The following CSAD variants were observed in gnomAD, a reference collection of about 807,000 sequenced individuals.
The protein encoded by CSAD is P-selectin cytoplasmic tail-associated protein.
CSAD carries 47 observed loss-of-function variants against 61.5 expected under a neutral mutation model. The observed-to-expected ratio is 0.76, with a 90% CI of 0.60 to 0.97. CSAD has a LOEUF of 0.97. Among genes scored for constraint, CSAD ranks in the 50% least tolerant of loss-of-function variants. The pLI is 0.00. For synonymous variants in CSAD, 245 were observed against 252.7 expected, an observed-to-expected ratio of 0.97 and a Z score of 0.29; for missense variants, 611 against 643.6, an observed-to-expected ratio of 0.95 and a Z score of 0.55.
intron 10 of CSAD, 123 bp from the exon 11 acceptor site, chr12:53,161,512 A>C: frequency 4.2e-6 from 3 of 712,048 alleles, no homozygotes; most frequent in Non-Finnish European, 7.4e-6. Context: ...CCTCACAACA[A>C]TGTGTTACTG....
intron 2 of CSAD, among the ~76,000 whole-genome samples, chr12:53,177,173 T>C (rs1188353490): frequency 6.6e-6 from 1 of 152,234 alleles, no homozygotes; most frequent in South Asian, 2.1e-4. Context: ...TTTTGATACA[T>C]TGTCAATCGT....
chr12:53,180,755 C>T lies in CSAD; in HGVS notation c.-114G>A. On this transcript the variant is annotated 5_prime_UTR_variant, in exon 1 of 17. Transcript: ENST00000444623. Reference sequence around the variant, plus strand: ...GCCTCGGTCCCGGTGGGGGCAGCCGCGGCGGTGGGGTTGGCAGGGTGTGCT... The same window carrying T: ...GCCTCGGTCCCGGTGGGGGCAGCCGTGGCGGTGGGGTTGGCAGGGTGTGCT... 7.9e-7 allele frequency: 1 copy of T among 1,266,124 alleles called. No homozygotes were observed. The highest frequency in any genetic ancestry group is 1.0e-6 in the Non-Finnish European group (1 of 978,190). The allele number at this position is 1,266,124 out of a possible 1,614,324, so 78.4% of individuals were successfully genotyped here.
intron 10 of CSAD, among the ~76,000 whole-genome samples, chr12:53,165,431 C>T (rs1939803957): frequency 2.0e-5 from 3 of 151,436 alleles, no homozygotes; most frequent in South Asian, 2.1e-4. Context: ...GAGGCCGAGG[C>T]GGGTGGATCA....
chr12:53,180,972 C>A (rs551444653), upstream of CSAD: 5,128 of 635,060 alleles, frequency 8.1e-3, 70 homozygotes, highest in Admixed American at 0.012. Flanking sequence ...AGGGGGATCT[C>A]CGGGGGAGGG....
Position 53,180,814 on chromosome 12 carries a change from C to G in CSAD, c.-173G>C. ...GAGGAGGCGCCGCGCGGCCAGGGAG[C>G]CAGCGGGAGGCCGCGCCTGGCAGGT... On this transcript the variant is annotated 5_prime_UTR_variant, in exon 1 of 17. Coordinates refer to ENST00000444623, the MANE Select transcript of CSAD (RefSeq NM_001244705.2). The G allele has an allele frequency of 7.9e-7, 1 of 1,271,532 alleles. No homozygotes were observed. Among genetic ancestry groups the G allele is most frequent in the Non-Finnish European group, 1.0e-6 (1 of 981,958 alleles). The allele number at this position is 1,271,532 out of a possible 1,614,324, so 78.8% of individuals were successfully genotyped here.
intron 1 of CSAD, chr12:53,179,526 G>A (rs1390940834): frequency 1.0e-5 from 5 of 487,580 alleles, no homozygotes; most frequent in African/African-American, 2.0e-5. Context: ...TTTCAAAAAA[G>A]ATTTAAAAGA....
At chr12:53,158,769 G>A in intron 16 of CSAD, 85 bp from the exon 17 acceptor site, 1 of 1,371,210 alleles carries the variant, frequency 7.3e-7, no homozygotes, top group Non-Finnish European at 1.0e-6. Context: ...GGCTTCCAGA[G>A]GTGCTTTTCC....
At chr12:53,180,443 A>T in intron 1 of CSAD, 1 of 1,177,946 alleles carries the variant, frequency 8.5e-7, no homozygotes, top group Non-Finnish European at 1.1e-6. Flanking sequence ...GCGTACAATC[A>T]TCGAAGGGCC....
Position 53,160,843 on chromosome 12 carries a change from C to A in CSAD, c.886G>T (p.Ala296Ser), listed in dbSNP as rs749995705. 1 of 1,551,770 alleles carries A rather than the reference C, an allele frequency of 6.4e-7. No homozygotes were observed. Among genetic ancestry groups the A allele is most frequent in the South Asian group, 1.2e-5 (1 of 84,066 alleles). The change falls in exon 13 of 17, where the codon GCT becomes TCT. Residue 296 changes from alanine (A) to serine (S), a missense_variant and splice_region_variant. Coordinates refer to ENST00000444623, the MANE Select transcript of CSAD (RefSeq NM_001244705.2). ...TGGGGATTCCAGGCCACAGAGTCAG[C>A]CCTGGATGGGGTGGAGCAAAGGCAG... ...HRHLLDGIQR[A>S]DSVAWNPHKL...
At chr12:53,162,762 A>C (rs1230306042) in intron 10 of CSAD, among the ~76,000 whole-genome samples, 3 of 150,206 alleles carry the variant, frequency 2.0e-5, no homozygotes, top group Non-Finnish European at 4.4e-5. Flanking sequence ...ACCTCTACAA[A>C]CGAAAAAAAA....
chr12:53,180,583 G>T (rs537337326), intron 1 of CSAD, 149 bp downstream of exon 1: 10 of 1,284,800 alleles, frequency 7.8e-6, no homozygotes, highest in Non-Finnish European at 1.0e-5. Context: ...GCACCTCTCC[G>T]TGCGTCCCCA....
rs886368954 is a variant in CSAD at position 53,159,786 on chromosome 12, C to T, written c.1219-74G>A. ...TTTTCCCTCTCCCTGCCCCTTTCCC[C>T]TCTCCCTGCCCTTTTCCCTCCACTA... is the stretch of plus-strand genomic sequence containing the variant. On this transcript the variant is annotated intron_variant, in intron 15 of 16. Coordinates refer to ENST00000444623, the MANE Select transcript of CSAD (RefSeq NM_001244705.2). The T allele has an allele frequency of 4.6e-6, 7 of 1,525,856 alleles. No homozygotes were observed. In the African/African-American group the frequency reaches 6.9e-5, roughly 15 times the overall value. The allele number at this position is 1,525,856 out of a possible 1,614,324, so 94.5% of individuals were successfully genotyped here.
chr12:53,165,074 T>C (rs1293832607), intron 10 of CSAD, among the ~76,000 whole-genome samples: 1 of 152,190 alleles, frequency 6.6e-6, no homozygotes, highest in Admixed American at 6.5e-5. Flanking sequence ...ATCCCAGTAC[T>C]GTTGAGAGGC....
chr12:53,173,006 G>A (rs7139122), intron 4 of CSAD, among the ~76,000 whole-genome samples: 5,389 of 152,218 alleles, frequency 0.035, 206 homozygotes, highest in African/African-American at 0.1. Context: ...TCAGGAGTTC[G>A]AGAGCAGCCT....
chr12:53,164,950 A>C (rs1939721571), intron 10 of CSAD, among the ~76,000 whole-genome samples: 3 of 152,228 alleles, frequency 2.0e-5, no homozygotes, highest in Admixed American at 6.5e-5. Context: ...CTCAACCATC[A>C]CTAATCATTA....
rs536386990 is a variant in CSAD at position 53,174,467 on chromosome 12, C to T, written c.-49-697G>A. Among the ~76,000 whole-genome samples the T allele has an allele frequency of 7.9e-5, 12 of 152,130 alleles. 1 individual carries two copies. The highest frequency in any genetic ancestry group is 2.9e-4 in the African/African-American group (12 of 41,478). The stretch of plus-strand genomic sequence containing the variant: ...AACTTTATACAATCATTTCACATTG[C>T]TTATGGAATTAAAATAACGGTTCTT... On this transcript the variant is annotated intron_variant, in intron 2 of 16. Transcript: ENST00000444623.
intron 1 of CSAD, chr12:53,179,829 TGCAGTCCATCTTTA>T: frequency 6.2e-7 from 1 of 1,613,894 alleles, no homozygotes; most frequent in Non-Finnish European, 8.5e-7. Context: ...CAAGCGCATT[TGCAGTCCATCTTTA>T]GCAGGACCTC....
intron 4 of CSAD, 139 bp from the exon 5 acceptor site, chr12:53,172,787 G>C: frequency 1.0e-6 from 1 of 996,496 alleles, no homozygotes; most frequent in South Asian, 1.7e-5. Context: ...CTCTGAAAAT[G>C]AACAAGAGTA....
chr12:53,179,666 T>C (rs1395486746), intron 1 of CSAD: 12 of 954,322 alleles, frequency 1.3e-5, no homozygotes, highest in Non-Finnish European at 1.9e-5. Flanking sequence ...ATGAAATCTG[T>C]CTACAAAAAA....
Sources: allele counts gnomAD v4.1 joint callset (sites outside exome capture counted in the v4.1 genomes callset), GRCh38; gene constraint gnomAD v4.1.1; transcripts MANE v1.5; gene names NCBI Gene and HGNC (gene_info 2026-07-23, HGNC 2026-07-21).